Variants in KRT86 observed in about 807,000 individuals in gnomAD.
KRT86 encodes the protein keratin 86.
KRT86 carries 30 observed loss-of-function variants against 41.2 expected under a neutral mutation model. The observed-to-expected ratio is 0.73, with a 90% CI of 0.54 to 0.99. The LOEUF is 0.99. Ranked by LOEUF, KRT86 falls within the 50% of genes least tolerant of loss-of-function variation. The probability of loss-of-function intolerance (pLI) is 0.00; values close to 1 mark genes in which losing one functional copy is unlikely to be tolerated. For missense variants in KRT86, 561 were observed against 571.4 expected (o/e 0.98, Z 0.19); for synonymous variants, 238 against 238.1 (o/e 1.00, Z 0.00).
At chr12:52,281,717 C>A (rs1937775249) in intron 2 of KRT86, among the ~76,000 whole-genome samples, 1 of 152,108 alleles carries the variant, frequency 6.6e-6, no homozygotes. Context: ...TGTGAAGATT[C>A]TTTTTTTCCT....
chr12:52,292,666 ATTTATT>A (rs144078456), intron 2 of KRT86, among the ~76,000 whole-genome samples: 44,191 of 151,788 alleles, frequency 0.29, 6,428 homozygotes, highest in African/African-American at 0.34. Context: ...CTTCTTTATT[ATTTATT>A]TTTATTTTAT....
At chr12:52,286,554 A>T (rs770792713) in intron 2 of KRT86, 134 of 1,496,362 alleles carry the variant, frequency 9.0e-5, no homozygotes, top group Non-Finnish European at 1.2e-4. Flanking sequence ...CTTCCTGACA[A>T]CCGCCCCTGC....
chr12:52,306,095 G>T lies in KRT86; in HGVS notation c.1062G>T (p.Glu354Asp), dbSNP rs746358096. The change falls in exon 9 of 11, where the codon GAG becomes GAT. Residue 354 changes from glutamate (E) to aspartate (D), a missense_variant. Coordinates refer to ENST00000423955, the MANE Select transcript of KRT86 (RefSeq NM_001320198.2). ...TGGAGGCTGCGGTGGCTCAGTCTGA[G>T]CAGCAGGGTGAGGCGGCCCTCAGCG... ...SKLEAAVAQS[E>D]QQGEAALSDA... 2 of 1,613,948 alleles carry T rather than the reference G, an allele frequency of 1.2e-6. No homozygotes were observed. Among genetic ancestry groups the T allele is most frequent in the South Asian group, 1.1e-5 (1 of 91,080 alleles).
intron 2 of KRT86, chr12:52,286,024 GC>G: frequency 1.7e-6 from 1 of 574,340 alleles, no homozygotes; most frequent in East Asian, 2.9e-5. Context: ...TGCTCCTGAG[GC>G]CCCTTCCTAT....
chr12:52,275,761 C>A, intron 1 of KRT86, 60 bp from the exon 2 acceptor site: 2 of 840,280 alleles, frequency 2.4e-6, no homozygotes, highest in Non-Finnish European at 2.9e-6. Flanking sequence ...GGTGGATGGG[C>A]AGCCCTGTCT....
At chr12:52,285,730 T>A (rs1287923934) in intron 2 of KRT86, among the ~76,000 whole-genome samples, 3 of 152,184 alleles carry the variant, frequency 2.0e-5, no homozygotes, top group African/African-American at 7.2e-5. Flanking sequence ...GTTGTGTGGA[T>A]AAAGTTACAT....
intron 1 of KRT86, 69 bp from the exon 2 acceptor site, chr12:52,275,752 G>A: frequency 2.7e-6 from 2 of 732,980 alleles, no homozygotes; most frequent in Non-Finnish European, 3.3e-6. Context: ...GTGACAGCAG[G>A]TGGATGGGCA....
At chr12:52,300,621 G>A (rs1304261770) in intron 2 of KRT86, among the ~76,000 whole-genome samples, 1 of 152,208 alleles carries the variant, frequency 6.6e-6, no homozygotes, top group Non-Finnish European at 1.5e-5. Context: ...TATTCACACT[G>A]GATGGATGGC....
chr12:52,288,509 G>A, intron 2 of KRT86: 1 of 1,600,142 alleles, frequency 6.2e-7, no homozygotes, highest in Non-Finnish European at 8.6e-7. Flanking sequence ...CCAGCCCCCA[G>A]ACTCCTCTCT....
chr12:52,293,150 TAGAA>T (rs1427911579), intron 2 of KRT86, among the ~76,000 whole-genome samples: 3 of 152,220 alleles, frequency 2.0e-5, no homozygotes, highest in Non-Finnish European at 4.4e-5. Flanking sequence ...GAATTAGAAT[TAGAA>T]AGAACTGTGT....
intron 2 of KRT86, chr12:52,286,130 A>T (rs894391102): frequency 6.5e-5 from 52 of 801,132 alleles, no homozygotes; most frequent in Non-Finnish European, 9.9e-5. Flanking sequence ...TGAGGCCAGG[A>T]GTGGGAGGGG....
intron 2 of KRT86, among the ~76,000 whole-genome samples, chr12:52,301,554 A>G (rs896555245): frequency 6.6e-6 from 1 of 152,002 alleles, no homozygotes; most frequent in Admixed American, 6.5e-5. Context: ...TTCCATTCCA[A>G]CCTGAGTCAC....
chr12:52,280,520 C>T (rs944116777), intron 2 of KRT86, among the ~76,000 whole-genome samples: 1 of 152,196 alleles, frequency 6.6e-6, no homozygotes, highest in African/African-American at 2.4e-5. Flanking sequence ...ACTCTAGTGC[C>T]AGAGTGTCTG....
chr12:52,308,049 A>C (rs569413107), intron 9 of KRT86, among the ~76,000 whole-genome samples, 184 bp from the exon 10 acceptor site: 68 of 152,244 alleles, frequency 4.5e-4, no homozygotes, highest in African/African-American at 1.4e-3. Flanking sequence ...AGGCACTCAC[A>C]GGCCTTCTGT....
chr12:52,282,021 G>A (rs2121206497), intron 2 of KRT86, among the ~76,000 whole-genome samples: 1 of 152,276 alleles, frequency 6.6e-6, no homozygotes, highest in East Asian at 1.9e-4. Flanking sequence ...GATTACAGAT[G>A]TGAGCCACTG....
At chr12:52,283,772 G>A (rs1032679441) in intron 2 of KRT86, among the ~76,000 whole-genome samples, 3 of 152,140 alleles carry the variant, frequency 2.0e-5, no homozygotes, top group Admixed American at 1.3e-4. Context: ...GAGCCACCAC[G>A]CCCAGCCCCA....
chr12:52,282,511 C>T (rs1450726734), intron 2 of KRT86, among the ~76,000 whole-genome samples: 1 of 152,236 alleles, frequency 6.6e-6, no homozygotes, highest in Non-Finnish European at 1.5e-5. Context: ...GCTGGGATTA[C>T]AGGCGTGAGC....
intron 2 of KRT86, among the ~76,000 whole-genome samples, chr12:52,278,385 A>G (rs973205447): frequency 3.5e-4 from 53 of 151,220 alleles, no homozygotes; most frequent in African/African-American, 1.2e-3. Flanking sequence ...GAGGTTTAAA[A>G]TGTTCCCTCA....
chr12:52,305,762 G>C lies in KRT86; in HGVS notation c.1000G>C (p.Ala334Pro), dbSNP rs781014025. The C allele has an allele frequency of 1.6e-5, 26 of 1,614,060 alleles. No individual in the cohort carries two copies. Among genetic ancestry groups the C allele is most frequent in the Non-Finnish European group, 2.0e-5 (24 of 1,179,910 alleles). The change falls in exon 8 of 11, where the codon GCT (alanine) becomes CCT (proline). Residue 334 changes from alanine (A) to proline (P), a missense_variant. Physicochemically the swap from Ala to Pro is conservative, Grantham distance 27 (BLOSUM62 -1). Around this residue, in one of 3 missense-constraint regions of KRT86, gnomAD observed 397 missense variants for 375.9 expected, o/e 1.06. Transcript: ENST00000423955. ...ELNRMIQRLT[A>P]EVENAKCQNS... ...GAACCGCATGATCCAGAGGCTGACG[G>C]CTGAGGTGGAGAATGCCAAGTGCCA... is the stretch of plus-strand genomic sequence containing the variant.
Sources: allele counts gnomAD v4.1 joint callset (sites outside exome capture counted in the v4.1 genomes callset), GRCh38; gene constraint gnomAD v4.1.1; regional missense constraint gnomAD v4.1.1; transcripts MANE v1.5; gene names NCBI Gene and HGNC (gene_info 2026-07-23, HGNC 2026-07-21).